OTOGL: variants seen among roughly 807,000 people sequenced by gnomAD.
OTOGL encodes otogelin like.
OTOGL carries 285 observed loss-of-function variants against 318.5 expected under a neutral mutation model. The observed-to-expected ratio is 0.89, with a 90% confidence interval of 0.81 to 0.99. The LOEUF is 0.99. Among genes scored for constraint, OTOGL ranks in the 50% least tolerant of loss-of-function variants. The probability of loss-of-function intolerance (pLI) is 0.00; values close to 1 mark genes in which losing one functional copy is unlikely to be tolerated. For synonymous variants in OTOGL, 987 were observed against 936.5 expected, an observed-to-expected ratio of 1.05 and a Z score of -0.99; for missense variants, 2,899 against 2,845.6, an observed-to-expected ratio of 1.02 and a Z score of -0.43.
At position 80,270,084 on chromosome 12, in the gene OTOGL, C is replaced by A; in HGVS notation, c.2466-18C>A. 1.3e-6 allele frequency: 2 copies of A among 1,542,440 alleles called. No individual in the cohort carries two copies. The highest frequency in any genetic ancestry group is 2.8e-5 in the African/African-American group (2 of 72,444). ...CAACAGATTTGGTTCCATAAATTAA[C>A]TATTTATTTACTTCTAGCCAGTGTT... On this transcript the variant is annotated intron_variant, in intron 22 of 58. Transcript: ENST00000547103.
At chr12:80,362,055 G>A (rs559528508) in intron 52 of OTOGL, among the ~76,000 whole-genome samples, 1 of 152,220 alleles carries the variant, frequency 6.6e-6, no homozygotes, top group Admixed American at 6.5e-5. Context: ...AATCATTGCT[G>A]AGACCAATAT....
chr12:80,320,391 C>T (rs76380244), intron 33 of OTOGL, 31 bp from the exon 34 acceptor site: 35,819 of 1,563,904 alleles, frequency 0.023, 525 homozygotes, highest in Non-Finnish European at 0.028. Flanking sequence ...CTTCCTTCTC[C>T]TGAGAATCCA....
chr12:80,322,271 C>T (rs1887387982), intron 34 of OTOGL, among the ~76,000 whole-genome samples: 4 of 152,150 alleles, frequency 2.6e-5, no homozygotes. Flanking sequence ...TTCAGTTTAC[C>T]TACCGTTGAC....
chr12:80,306,895 G>C (rs1185755326), intron 29 of OTOGL, among the ~76,000 whole-genome samples: 2 of 150,972 alleles, frequency 1.3e-5, no homozygotes, highest in African/African-American at 4.9e-5. Flanking sequence ...TGGAGGGAAG[G>C]TCAGCAGATA....
intron 34 of OTOGL, among the ~76,000 whole-genome samples, chr12:80,323,347 A>T (rs893378992): frequency 6.6e-6 from 1 of 152,154 alleles, no homozygotes; most frequent in African/African-American, 2.4e-5. Flanking sequence ...GAGGGTTCAT[A>T]TAAGAAACTG....
intron 1 of OTOGL, among the ~76,000 whole-genome samples, chr12:80,154,460 ACAAT>A (rs139413747): frequency 0.018 from 2,818 of 152,326 alleles, 80 homozygotes; most frequent in African/African-American, 0.062. Context: ...AGGCAGCTGC[ACAAT>A]CAATCAAATA....
intron 26 of OTOGL, among the ~76,000 whole-genome samples, chr12:80,290,655 T>G (rs946316497): frequency 6.6e-6 from 1 of 152,170 alleles, no homozygotes; most frequent in Admixed American, 6.5e-5. Context: ...TGAAGCTTTA[T>G]TTTTCATTTT....
rs530642669 is a variant in OTOGL at position 80,349,352 on chromosome 12, C to A, written c.5266-2943C>A. Among the ~76,000 whole-genome samples the A allele has an allele frequency of 4.8e-3, 727 of 152,178 alleles. 1 individual carries two copies. Among genetic ancestry groups the A allele is most frequent in the South Asian group, 0.012 (57 of 4,814 alleles). ...AAGTAGTAGTAGTTGTTACTATTAA[C>A]GCTATTTCACATATGAAGAAACCAA... is the stretch of plus-strand genomic sequence containing the variant. On this transcript the variant is annotated intron_variant, in intron 44 of 58. Transcript: ENST00000547103.
intron 23 of OTOGL, among the ~76,000 whole-genome samples, chr12:80,270,998 C>G (rs1021352382): frequency 6.6e-6 from 1 of 151,990 alleles, no homozygotes; most frequent in Non-Finnish European, 1.5e-5. Context: ...AATTACATGC[C>G]CTGAATTTAC....
chr12:80,172,986 G>T (rs948297479), intron 1 of OTOGL, among the ~76,000 whole-genome samples: 5 of 152,066 alleles, frequency 3.3e-5, no homozygotes, highest in Admixed American at 2.0e-4. Flanking sequence ...ACAGATGCTG[G>T]GCTTAATACC....
At chr12:80,254,944 T>A in intron 15 of OTOGL, 96 bp from the exon 16 acceptor site, 3 of 1,056,470 alleles carry the variant, frequency 2.8e-6, no homozygotes, top group Non-Finnish European at 3.8e-6. Flanking sequence ...GTTGATCTGC[T>A]TTTAAAGGAT....
chr12:80,194,383 A>C (rs1199775980), intron 1 of OTOGL, among the ~76,000 whole-genome samples: 1 of 152,200 alleles, frequency 6.6e-6, no homozygotes. Flanking sequence ...CAACCAAAGA[A>C]CCTTGAGAAA....
chr12:80,238,223 C>T (rs1214622885), intron 9 of OTOGL, among the ~76,000 whole-genome samples: 4 of 152,150 alleles, frequency 2.6e-5, no homozygotes, highest in African/African-American at 9.7e-5. Context: ...TTAGGGTTCT[C>T]AGTAGGGATG....
At chr12:80,275,874 G>T (rs533675186) in intron 24 of OTOGL, among the ~76,000 whole-genome samples, 40 of 151,576 alleles carry the variant, frequency 2.6e-4, no homozygotes, top group African/African-American at 9.4e-4. Flanking sequence ...TTAAATTAAG[G>T]TATGTATATT....
Position 80,165,971 on chromosome 12 carries a change from G to A in OTOGL, c.-19-43442G>A, listed in dbSNP as rs1351190406. On this transcript the variant is annotated intron_variant, in intron 1 of 58. Transcript: ENST00000547103. ...GGCTGATACACCTTCCTGCTGTAAAGCCAATATGTGAATTGAGAGACAGAT... is the reference window on the plus strand; with the variant it reads ...GGCTGATACACCTTCCTGCTGTAAAACCAATATGTGAATTGAGAGACAGAT... Among the ~76,000 whole-genome samples, 4 of 152,180 alleles carry A rather than the reference G, an allele frequency of 2.6e-5. 1 individual carries two copies. The East Asian group carries it at 7.7e-4, about 29-fold the overall frequency.
intron 1 of OTOGL, chr12:80,133,375 T>A (rs1001239905): frequency 6.6e-6 from 1 of 152,220 alleles, no homozygotes; most frequent in African/African-American, 2.4e-5. Flanking sequence ...TGCTTATATA[T>A]GAAATTTACT....
At chr12:80,166,213 C>CT in intron 1 of OTOGL, among the ~76,000 whole-genome samples, 1 of 151,634 alleles carries the variant, frequency 6.6e-6, no homozygotes, top group Non-Finnish European at 1.5e-5. Flanking sequence ...CTCTCTCTCC[C>CT]TCCTTTCCTC....
intron 1 of OTOGL, among the ~76,000 whole-genome samples, chr12:80,200,794 T>C (rs368369571): frequency 3.6e-4 from 55 of 152,296 alleles, no homozygotes; most frequent in African/African-American, 1.3e-3. Context: ...GAAGATATTA[T>C]AATGTGTGTC....
intron 7 of OTOGL, among the ~76,000 whole-genome samples, chr12:80,224,536 C>G (rs1878645743): frequency 6.6e-6 from 1 of 152,100 alleles, no homozygotes; most frequent in African/African-American, 2.4e-5. Context: ...ATTGATTCTA[C>G]CCATCAACGA....
Sources: allele counts gnomAD v4.1 joint callset (sites outside exome capture counted in the v4.1 genomes callset), GRCh38; gene constraint gnomAD v4.1.1; transcripts MANE v1.5; gene names NCBI Gene and HGNC (gene_info 2026-07-23, HGNC 2026-07-21).